Variants in CCDC146 observed in about 807,000 individuals in gnomAD.
CCDC146 encodes the protein coiled-coil domain-containing protein 146.
A neutral mutation model predicts 119.3 loss-of-function variants in CCDC146; 92 were observed. The observed-to-expected ratio is 0.77, with a 90% CI of 0.65 to 0.92. The LOEUF (loss-of-function observed/expected upper bound fraction) is 0.92, where lower values mean the gene tolerates loss of function less well. CCDC146 is among the 40% of genes least tolerant of loss of function. CCDC146 has a pLI of 0.00. For synonymous variants in CCDC146, 372 were observed against 371.8 expected (o/e 1.00, Z -0.01); for missense variants, 1,000 against 1,103.0 (o/e 0.91, Z 1.32).
intron 1 of CCDC146, among the ~76,000 whole-genome samples, chr7:77,158,809 C>T (rs1040128601): frequency 6.6e-6 from 1 of 152,172 alleles, no homozygotes; most frequent in Non-Finnish European, 1.5e-5. Flanking sequence ...TAAACCACTG[C>T]GCCCAGCCAG....
chr7:77,150,629 C>T (rs1791096259), intron 1 of CCDC146, among the ~76,000 whole-genome samples: 1 of 152,132 alleles, frequency 6.6e-6, no homozygotes, highest in Non-Finnish European at 1.5e-5. Context: ...AGTACAGCCA[C>T]TTTGGGAACC....
intron 2 of CCDC146, among the ~76,000 whole-genome samples, chr7:77,174,093 C>T (rs1443234412): frequency 6.6e-6 from 1 of 152,072 alleles, no homozygotes; most frequent in Admixed American, 6.5e-5. Flanking sequence ...TTGCTCCCAC[C>T]CAAGATAAAC....
intron 17 of CCDC146, among the ~76,000 whole-genome samples, chr7:77,288,113 A>G (rs6465532): frequency 0.52 from 79,726 of 151,964 alleles, 22,621 homozygotes; most frequent in African/African-American, 0.74. Flanking sequence ...AGACCAGGAC[A>G]GCAGATCCAG....
chr7:77,236,819 C>G (rs1039653533), intron 2 of CCDC146, 128 bp from the exon 3 acceptor site: 21 of 683,788 alleles, frequency 3.1e-5, no homozygotes, highest in Non-Finnish European at 4.9e-5. Context: ...TTCCAGTACA[C>G]TACATTGCCT....
At chr7:77,143,265 T>A (rs1790964101) in intron 1 of CCDC146, among the ~76,000 whole-genome samples, 1 of 150,474 alleles carries the variant, frequency 6.6e-6, no homozygotes, top group Non-Finnish European at 1.5e-5. Context: ...TGGGGTTGTT[T>A]GATTTTTTTC....
chr7:77,265,202 T>G (rs780154097), intron 9 of CCDC146, among the ~76,000 whole-genome samples: 5 of 152,224 alleles, frequency 3.3e-5, no homozygotes, highest in Non-Finnish European at 5.9e-5. Flanking sequence ...GCAGTTATAA[T>G]GTCCATTCAA....
chr7:77,167,676 A>G lies in CCDC146; in HGVS notation c.8A>G (p.Asp3Gly), dbSNP rs1303606447. Residue 3 changes from aspartate to glycine, a missense_variant, in exon 2 of 19, where the codon GAC becomes GGC. Coordinates refer to ENST00000285871, the MANE Select transcript of CCDC146 (RefSeq NM_020879.3). Reference protein sequence around the residue: MEDSSTDTEKEEE... With the variant: MEGSSTDTEKEEE... Reference sequence around the variant, plus strand: ...ATTTTAGAATCGTGAAAAATGGAAGACAGTAGCACAGACACAGAAAAAGAA... The same window carrying G: ...ATTTTAGAATCGTGAAAAATGGAAGGCAGTAGCACAGACACAGAAAAAGAA... 1 of 1,565,478 alleles carries G rather than the reference A, an allele frequency of 6.4e-7. No individual in the cohort carries two copies. The highest frequency in any genetic ancestry group is 1.4e-5 in the African/African-American group (1 of 72,356).
At chr7:77,281,919 G>A (rs1432586567) in intron 14 of CCDC146, among the ~76,000 whole-genome samples, 1 of 152,228 alleles carries the variant, frequency 6.6e-6, no homozygotes. Flanking sequence ...GCACCCAGGT[G>A]CCACTCAGAT....
chr7:77,239,650 AAG>A (rs1792807276), intron 3 of CCDC146, among the ~76,000 whole-genome samples: 1 of 152,250 alleles, frequency 6.6e-6, no homozygotes, highest in African/African-American at 2.4e-5. Context: ...CATACATCAA[AAG>A]AGAGCTCTGG....
chr7:77,196,689 G>A lies in CCDC146; in HGVS notation c.156+28865G>A. 1.2e-6 allele frequency: 2 copies of A among 1,614,168 alleles called. No individual in the cohort carries two copies. The highest frequency in any genetic ancestry group is 4.5e-5 in the East Asian group (2 of 44,886). On this transcript the variant is annotated intron_variant, in intron 2 of 18. Transcript: ENST00000285871. This position sits in a 1 kb window ranked among gnomAD's most constrained non-coding sequence, Gnocchi z 4.2. ...AGTTCGACACCATTAAAGTCTTCAA[G>A]ATCTATTCTCAGAATCATTTCCTTA...
At chr7:77,257,665 A>T (rs866149843) in intron 6 of CCDC146, among the ~76,000 whole-genome samples, 2 of 152,332 alleles carry the variant, frequency 1.3e-5, no homozygotes, top group South Asian at 2.1e-4. Flanking sequence ...GGACTGAGCA[A>T]GATCCCACAG....
chr7:77,141,814 G>A (rs1283710744), intron 1 of CCDC146, among the ~76,000 whole-genome samples: 1 of 151,922 alleles, frequency 6.6e-6, no homozygotes, highest in Admixed American at 6.6e-5. Flanking sequence ...CTGGATATTA[G>A]CCCTTTGTCA....
chr7:77,152,091 C>T (rs1269528855), intron 1 of CCDC146, among the ~76,000 whole-genome samples: 10 of 152,090 alleles, frequency 6.6e-5, no homozygotes, highest in African/African-American at 2.4e-4. Flanking sequence ...ACATTACCCC[C>T]TTGATATTCT....
intron 15 of CCDC146, 74 bp downstream of exon 15, chr7:77,282,859 C>A (rs1230498394): frequency 1.2e-5 from 12 of 1,015,076 alleles, no homozygotes; most frequent in Non-Finnish European, 1.8e-5. Context: ...TGGGTGAGTT[C>A]TTGCATGTAA....
At chr7:77,293,927 A>C (rs1793997915) in intron 18 of CCDC146, among the ~76,000 whole-genome samples, 1 of 152,232 alleles carries the variant, frequency 6.6e-6, no homozygotes, top group Admixed American at 6.5e-5. Context: ...CACACTAGGA[A>C]TACCTGAGCA....
rs752673572 is a variant in CCDC146 at position 77,196,395 on chromosome 7, G to A, written c.156+28571G>A. Reference sequence around the variant, plus strand: ...CAGGTACCCCAGAAAATCCCATTACGGACACCTCTGTATTTTTGGTGATAA... The same window carrying A: ...CAGGTACCCCAGAAAATCCCATTACAGACACCTCTGTATTTTTGGTGATAA... On this transcript the variant is annotated intron_variant, in intron 2 of 18. Coordinates refer to ENST00000285871, the MANE Select transcript of CCDC146 (RefSeq NM_020879.3). The surrounding 1 kb of genome is among the most constrained non-coding windows in gnomAD (Gnocchi z 4.2). The A allele has an allele frequency of 3.7e-6, 6 of 1,613,920 alleles. No individual in the cohort carries two copies. In the African/African-American group the frequency reaches 4.0e-5, roughly 11 times the overall value.
chr7:77,151,421 G>A (rs1179095691), intron 1 of CCDC146, among the ~76,000 whole-genome samples: 1 of 151,962 alleles, frequency 6.6e-6, no homozygotes, highest in Non-Finnish European at 1.5e-5. Context: ...GGTACTGATT[G>A]TAAAGGGGCA....
At chr7:77,254,895 TC>T (rs1209562939) in intron 5 of CCDC146, among the ~76,000 whole-genome samples, 1 of 152,254 alleles carries the variant, frequency 6.6e-6, no homozygotes, top group African/African-American at 2.4e-5. Flanking sequence ...TCTGAACATC[TC>T]AAGTTATTAC....
Position 77,136,744 on chromosome 7 carries a change from A to G in CCDC146, c.-12+14012A>G, listed in dbSNP as rs531901789. ...TACAATTTCTTTTGGTAGATAGAAGAATACTTCTGAATCACTCTGAGGCCA... is the reference window on the plus strand; with the variant it reads ...TACAATTTCTTTTGGTAGATAGAAGGATACTTCTGAATCACTCTGAGGCCA... On this transcript the variant is annotated intron_variant, in intron 1 of 18. Transcript: ENST00000285871. Among the ~76,000 whole-genome samples, 10 of 152,360 alleles carry G rather than the reference A, an allele frequency of 6.6e-5. No individual in the cohort carries two copies. In the East Asian group the frequency reaches 1.9e-3, roughly 29 times the overall value.
Sources: gnomAD v4.1 joint callset for allele counts (sites outside exome capture counted in the v4.1 genomes callset) on GRCh38, gnomAD v4.1.1 for gene constraint, Gnocchi (gnomAD v3.1) non-coding constraint, MANE v1.5 for transcripts, NCBI Gene and HGNC (gene_info 2026-07-23, HGNC 2026-07-21) for gene names.